CCDC181: variants seen among roughly 807,000 people sequenced by gnomAD.
The protein encoded by CCDC181 is coiled-coil domain containing 181, also known as coiled-coil domain-containing protein 181.
In CCDC181, 35 loss-of-function variants were observed where a neutral mutation model predicts 58.7. The observed-to-expected ratio is 0.60, with a 90% CI of 0.46 to 0.79. The LOEUF (loss-of-function observed/expected upper bound fraction) is 0.79. Among genes scored for constraint, CCDC181 ranks in the 30% least tolerant of loss-of-function variants. The probability of loss-of-function intolerance (pLI) is 0.00; values close to 1 mark genes in which losing one functional copy is unlikely to be tolerated. For synonymous variants in CCDC181, 183 were observed against 197.5 expected, an observed-to-expected ratio of 0.93 and a Z score of 0.62; for missense variants, 517 against 583.9, an observed-to-expected ratio of 0.89 and a Z score of 1.18.
intron 4 of CCDC181, among the ~76,000 whole-genome samples, chr1:169,410,157 C>A (rs866643839): frequency 1.4e-5 from 2 of 141,640 alleles, no homozygotes; most frequent in African/African-American, 5.3e-5. Context: ...TGCAGAGACA[C>A]ACATAGGCTC....
intron 3 of CCDC181, among the ~76,000 whole-genome samples, chr1:169,420,265 T>C (rs189239427): frequency 3.3e-5 from 5 of 152,342 alleles, no homozygotes; most frequent in African/African-American, 1.2e-4. Context: ...TTTTTATACC[T>C]GAATCAAGTA....
chr1:169,405,608 AG>A lies in CCDC181; in HGVS notation c.1216-8218del, dbSNP rs1343045731. On this transcript the variant is annotated intron_variant, in intron 4 of 5. Transcript: ENST00000367806. ...CTGGGAAAACTGGCTAGCCATATGT[AG>A]AAAGCTGAAACTGGATTCCTTCCTT... is the stretch of plus-strand genomic sequence containing the variant. Among the ~76,000 whole-genome samples, 7 of 152,264 alleles carry A rather than the reference AG, an allele frequency of 4.6e-5. 1 individual carries two copies. The South Asian group carries it at 8.3e-4, about 18-fold the overall frequency.
At chr1:169,424,221 A>C (rs1175047357) in intron 2 of CCDC181, among the ~76,000 whole-genome samples, 1 of 151,902 alleles carries the variant, frequency 6.6e-6, no homozygotes, top group African/African-American at 2.4e-5. Flanking sequence ...GAACTGGTTA[A>C]TTTTCCTGGA....
intron 3 of CCDC181, 100 bp downstream of exon 3, chr1:169,421,263 A>G: frequency 1.1e-6 from 1 of 873,310 alleles, no homozygotes; most frequent in Admixed American, 2.9e-5. Flanking sequence ...GCAATCAAAA[A>G]AAGTCTCCAA....
chr1:169,420,978 T>C (rs1221761282), intron 3 of CCDC181, among the ~76,000 whole-genome samples: 1 of 152,198 alleles, frequency 6.6e-6, no homozygotes, highest in Non-Finnish European at 1.5e-5. Context: ...CAAGTCTTCC[T>C]GTTGCCTCCT....
chr1:169,417,282 T>C (rs2102080103), intron 4 of CCDC181, among the ~76,000 whole-genome samples: 1 of 152,332 alleles, frequency 6.6e-6, no homozygotes, highest in Middle Eastern at 3.4e-3. Context: ...TGACCAGAGC[T>C]TCTGTCTGAC....
At chr1:169,447,310 G>A (rs761272263) in intron 2 of CCDC181, among the ~76,000 whole-genome samples, 1 of 151,930 alleles carries the variant, frequency 6.6e-6, no homozygotes, top group Non-Finnish European at 1.5e-5. Flanking sequence ...ACAAGGTTTC[G>A]CCATGATGGC....
At chr1:169,423,464 CA>C (rs1276979637) in intron 2 of CCDC181, among the ~76,000 whole-genome samples, 2 of 151,680 alleles carry the variant, frequency 1.3e-5, no homozygotes, top group African/African-American at 4.8e-5. Flanking sequence ...CCACTTTTTA[CA>C]AAAAAATCTT....
intron 4 of CCDC181, among the ~76,000 whole-genome samples, chr1:169,407,245 G>A (rs557769170): frequency 6.6e-6 from 1 of 152,140 alleles, no homozygotes; most frequent in Admixed American, 6.5e-5. Flanking sequence ...AGAGGAAAAA[G>A]ATTTATTATA....
chr1:169,411,925 CTGAA>C (rs543256572), intron 4 of CCDC181, among the ~76,000 whole-genome samples: 10 of 152,242 alleles, frequency 6.6e-5, no homozygotes, highest in South Asian at 4.1e-4. Flanking sequence ...CAATATCATA[CTGAA>C]TGGGCAAAAG....
At chr1:169,432,213 C>T (rs573161098), upstream of CCDC181, among the ~76,000 whole-genome samples, 35 of 152,122 alleles carry the variant, frequency 2.3e-4, no homozygotes, top group Non-Finnish European at 4.4e-4. Flanking sequence ...GAAAATCTTA[C>T]TGTTGGGATT....
chr1:169,419,197 A>G (rs185844920), intron 3 of CCDC181, 38 bp from the exon 4 acceptor site: 23 of 1,507,432 alleles, frequency 1.5e-5, no homozygotes, highest in Non-Finnish European at 2.1e-5. Context: ...ATGGAAGATT[A>G]ATAAAATTGT....
intron 5 of CCDC181, 46 bp downstream of exon 5, chr1:169,397,191 G>T: frequency 2.1e-6 from 3 of 1,451,852 alleles, no homozygotes; most frequent in South Asian, 3.1e-5. Flanking sequence ...CTTTTAAAAT[G>T]AACATGAGGA....
At chr1:169,406,646 G>A (rs1014583322) in intron 4 of CCDC181, among the ~76,000 whole-genome samples, 4 of 152,102 alleles carry the variant, frequency 2.6e-5, no homozygotes, top group African/African-American at 9.7e-5. Context: ...AGGGCCTGTT[G>A]TGGGGTGGAG....
At chr1:169,420,708 T>C (rs1362334513) in intron 3 of CCDC181, among the ~76,000 whole-genome samples, 1 of 152,134 alleles carries the variant, frequency 6.6e-6, no homozygotes, top group Non-Finnish European at 1.5e-5. Context: ...AAACAAAGAA[T>C]TGGAGCACTG....
chr1:169,409,686 G>C (rs1183251496), intron 4 of CCDC181, among the ~76,000 whole-genome samples: 2 of 152,210 alleles, frequency 1.3e-5, no homozygotes, highest in Non-Finnish European at 2.9e-5. Context: ...ACTAAGAGCA[G>C]ATCTCTCTGC....
chr1:169,458,990 G>A (rs895009511), intron 2 of CCDC181, among the ~76,000 whole-genome samples: 3 of 151,874 alleles, frequency 2.0e-5, no homozygotes, highest in Non-Finnish European at 4.4e-5. Flanking sequence ...ATATGGGATT[G>A]CAGTTGACAA....
intron 2 of CCDC181, chr1:169,443,025 C>T (rs909684347): frequency 6.6e-6 from 1 of 151,236 alleles, no homozygotes; most frequent in Non-Finnish European, 1.5e-5. Flanking sequence ...TATTATATAT[C>T]AGATATATCA....
At chr1:169,400,285 T>C (rs1231017581) in intron 4 of CCDC181, among the ~76,000 whole-genome samples, 1 of 152,068 alleles carries the variant, frequency 6.6e-6, no homozygotes, top group Non-Finnish European at 1.5e-5. Context: ...AATAAACCCA[T>C]CCTAACAAAG....
Sources: gnomAD v4.1 joint callset for allele counts (sites outside exome capture counted in the v4.1 genomes callset) on GRCh38, gnomAD v4.1.1 for gene constraint, MANE v1.5 for transcripts, NCBI Gene and HGNC (gene_info 2026-07-23, HGNC 2026-07-21) for gene names.